Variants in SGO2 observed in about 807,000 individuals in gnomAD.
The protein encoded by SGO2 is shugoshin 2, also known as shugoshin-like 2.
In SGO2, 68 loss-of-function variants were observed where a neutral mutation model predicts 99.5. The ratio of observed to expected loss-of-function variants is 0.68; its 90% CI spans 0.56 to 0.84. The LOEUF is 0.84. SGO2 is among the 40% of genes least tolerant of loss of function. The pLI, the probability that SGO2 is intolerant of heterozygous loss-of-function variation, is 0.00. For synonymous variants in SGO2, 457 were observed against 487.1 expected, an observed-to-expected ratio of 0.94 and a Z score of 0.81; for missense variants, 1,350 against 1,436.7, an observed-to-expected ratio of 0.94 and a Z score of 0.97.
chr2:200,553,714 G>A (rs546423336), intron 5 of SGO2, among the ~76,000 whole-genome samples: 2 of 152,212 alleles, frequency 1.3e-5, no homozygotes, highest in South Asian at 4.2e-4. Context: ...TTTTAAACTG[G>A]CTTTGATGGA....
intron 5 of SGO2, among the ~76,000 whole-genome samples, chr2:200,543,819 T>A: frequency 6.6e-6 from 1 of 152,240 alleles, no homozygotes; most frequent in East Asian, 1.9e-4. Flanking sequence ...GCAAATTAAG[T>A]GTCAACTTGT....
At chr2:200,558,573 A>T (rs532591446) in intron 5 of SGO2, among the ~76,000 whole-genome samples, 1 of 152,216 alleles carries the variant, frequency 6.6e-6, no homozygotes, top group Non-Finnish European at 1.5e-5. Flanking sequence ...ATATTTTTGC[A>T]TCATTTTACA....
At chr2:200,576,954 A>G (rs969572828) in intron 8 of SGO2, among the ~76,000 whole-genome samples, 28 of 152,196 alleles carry the variant, frequency 1.8e-4, no homozygotes, top group Middle Eastern at 3.5e-3. Flanking sequence ...TTTGATGGAC[A>G]ATTGGGTTGT....
chr2:200,554,191 G>C (rs2032609407), intron 5 of SGO2, among the ~76,000 whole-genome samples: 1 of 152,100 alleles, frequency 6.6e-6, no homozygotes, highest in African/African-American at 2.4e-5. Context: ...GTTCACAGGA[G>C]TATACTGTAC....
chr2:200,560,382 AT>A (rs1354240520), intron 5 of SGO2, among the ~76,000 whole-genome samples: 1 of 152,032 alleles, frequency 6.6e-6, no homozygotes, highest in Non-Finnish European at 1.5e-5. Context: ...ATCAGGTGTC[AT>A]TTTATCATCT....
At chr2:200,581,944 G>A (rs1409399392) in intron 8 of SGO2, among the ~76,000 whole-genome samples, 1 of 152,108 alleles carries the variant, frequency 6.6e-6, no homozygotes, top group African/African-American at 2.4e-5. Flanking sequence ...GCTCTGAAGA[G>A]GAGTACGAAG....
chr2:200,538,107 AT>A (rs2031777258), intron 4 of SGO2, among the ~76,000 whole-genome samples: 2 of 152,028 alleles, frequency 1.3e-5, no homozygotes, highest in Non-Finnish European at 2.9e-5. Flanking sequence ...TCCTCTATGT[AT>A]TCTCTTCTTA....
In SGO2 at chr2:200,552,126, G is replaced by C. The variant is rs543890587; in HGVS notation, c.473+9462G>C. Among the ~76,000 whole-genome samples, 5 of 152,020 alleles carry C rather than the reference G, an allele frequency of 3.3e-5. 1 individual carries two copies. In the South Asian group the frequency reaches 1.0e-3, roughly 32 times the overall value. On this transcript the variant is annotated intron_variant, in intron 5 of 8. Coordinates refer to ENST00000357799, the MANE Select transcript of SGO2 (RefSeq NM_152524.6). ...TAAACATGATATATCACTCTATTTAGCTATAATATATATTCTCTCCATGTT... is the reference window on the plus strand; with the variant it reads ...TAAACATGATATATCACTCTATTTACCTATAATATATATTCTCTCCATGTT...
chr2:200,575,616 A>C (rs2033628905), intron 8 of SGO2, among the ~76,000 whole-genome samples, 155 bp downstream of exon 8: 1 of 152,214 alleles, frequency 6.6e-6, no homozygotes, highest in Non-Finnish European at 1.5e-5. Context: ...AGTTGAAGAA[A>C]TATGTCCTTT....
chr2:200,575,475 A>C lies in SGO2; in HGVS notation c.3782+14A>C, dbSNP rs1422381503. 6.5e-7 allele frequency: 1 copy of C among 1,533,268 alleles called. No homozygotes were observed. Among genetic ancestry groups the C allele is most frequent in the Non-Finnish European group, 8.8e-7 (1 of 1,132,822 alleles). 95.0% of individuals were successfully genotyped at this position (1,533,268 alleles called of 1,614,324 possible). On this transcript the variant is annotated intron_variant, in intron 8 of 8. Transcript: ENST00000357799. ...AAGCCTCAGAGAGTAAGTATTTCAA[A>C]TGATTTTAGTATGCCATTATAAAAT...
At chr2:200,532,877 T>A in intron 1 of SGO2, 97 bp from the exon 2 acceptor site, 1 of 1,233,718 alleles carries the variant, frequency 8.1e-7, no homozygotes, top group Non-Finnish European at 1.1e-6. Flanking sequence ...ATGCACAAAG[T>A]ATATTAAGTC....
In SGO2 at chr2:200,572,821, A is replaced by G. The variant is rs2033495667; in HGVS notation, c.2475A>G (p.Ile825Met). The G allele has an allele frequency of 5.0e-6, 8 of 1,611,712 alleles. No individual in the cohort carries two copies. Among genetic ancestry groups the G allele is most frequent in the South Asian group, 4.4e-5 (4 of 90,542 alleles). Reference sequence around the variant, plus strand: ...AAATAATTCCTGAAACCAACCAAATATATGAGAATGATAACAAAGGTGTAC... The same window carrying G: ...AAATAATTCCTGAAACCAACCAAATGTATGAGAATGATAACAAAGGTGTAC... The part of the protein sequence containing the change: ...KSEIIPETNQ[I>M]YENDNKGVHD... The change falls in exon 7 of 9, where the codon ATA becomes ATG. Residue 825 changes from isoleucine to methionine, a missense_variant. Coordinates refer to ENST00000357799, the MANE Select transcript of SGO2 (RefSeq NM_152524.6).
rs2033455227 is a variant in SGO2, at chr2:200,572,227, C to T, written c.1881C>T (p.Asn627=). The change falls in exon 7 of 9, where the codon AAC becomes AAT. Residue 627 remains asparagine (N), a synonymous_variant. Transcript: ENST00000357799. The part of the protein sequence containing the change: ...NRKTEIISGM[N]HMYEDNDKDV... ...AGACAGAAATAATTTCTGGAATGAACCACATGTATGAGGATAATGATAAAG... is the reference window on the plus strand; with the variant it reads ...AGACAGAAATAATTTCTGGAATGAATCACATGTATGAGGATAATGATAAAG... 4 of 1,612,264 alleles carry T rather than the reference C, an allele frequency of 2.5e-6. No homozygotes were observed. The highest frequency in any genetic ancestry group is 2.5e-6 in the Non-Finnish European group (3 of 1,179,426).
chr2:200,558,818 T>C (rs1378298025), intron 5 of SGO2, among the ~76,000 whole-genome samples: 4 of 151,908 alleles, frequency 2.6e-5, no homozygotes, highest in African/African-American at 9.7e-5. Context: ...TTTTTTTTTT[T>C]TGAGGTGGAG....
At chr2:200,551,460 G>C (rs866004347) in intron 5 of SGO2, among the ~76,000 whole-genome samples, 2 of 152,126 alleles carry the variant, frequency 1.3e-5, no homozygotes, top group South Asian at 2.1e-4. Context: ...GGCTGGGAAG[G>C]GGGAGAGAGG....
intron 4 of SGO2, 52 bp downstream of exon 4, chr2:200,536,194 A>G: frequency 9.1e-7 from 1 of 1,098,182 alleles, no homozygotes; most frequent in Non-Finnish European, 1.3e-6. Flanking sequence ...ACTGAGGATC[A>G]CTGAGATTAC....
rs753643197 is a variant in SGO2, at chr2:200,572,828, AATG to A, written c.2485_2487del (p.Asp829del). ...TCCTGAAACCAACCAAATATATGAG[AATG>A]ATAACAAAGGTGTACATGACCTAGA... On this transcript the variant is annotated inframe_deletion, in exon 7 of 9. Coordinates refer to ENST00000357799, the MANE Select transcript of SGO2 (RefSeq NM_152524.6). The A allele has an allele frequency of 3.1e-6, 5 of 1,611,286 alleles. No homozygotes were observed. Among genetic ancestry groups the A allele is most frequent in the East Asian group, 2.2e-5 (1 of 44,844 alleles).
chr2:200,569,913 C>G (rs749777307), intron 6 of SGO2, 21 bp downstream of exon 6: 1 of 1,455,742 alleles, frequency 6.9e-7, no homozygotes, highest in Non-Finnish European at 9.6e-7. Flanking sequence ...TTTAAAAATT[C>G]ATTTTGAGTA....
chr2:200,579,897 T>G lies in SGO2; in HGVS notation c.3783-3552T>G, dbSNP rs902377148. ...AAAGTCACCATCTTGGTTCCTTTAA[T>G]GAAATAATTTATATTTCATTATAAT... On this transcript the variant is annotated intron_variant, in intron 8 of 8. Coordinates refer to ENST00000357799, the MANE Select transcript of SGO2 (RefSeq NM_152524.6). Among the ~76,000 whole-genome samples the G allele has an allele frequency of 2.6e-5, 4 of 152,212 alleles. No homozygotes were observed. In the East Asian group the frequency reaches 7.7e-4, roughly 29 times the overall value.
Sources: allele counts gnomAD v4.1 joint callset (sites outside exome capture counted in the v4.1 genomes callset), GRCh38; gene constraint gnomAD v4.1.1; transcripts MANE v1.5; gene names NCBI Gene and HGNC (gene_info 2026-07-23, HGNC 2026-07-21).